VPS33A: variants seen among roughly 807,000 people sequenced by gnomAD.
The protein encoded by VPS33A is VPS33A core subunit of CORVET and HOPS complexes.
Under a neutral mutation model 71.8 loss-of-function variants are expected in VPS33A, and 32 were observed. The observed-to-expected ratio is 0.45, with a 90% CI of 0.34 to 0.60. The LOEUF is 0.60. Ranked by LOEUF, VPS33A falls within the 20% of genes least tolerant of loss-of-function variation. The probability of loss-of-function intolerance (pLI) is 0.02; values close to 1 mark genes in which losing one functional copy is unlikely to be tolerated. For missense variants in VPS33A, 625 were observed against 748.5 expected (o/e 0.84, Z 1.92); for synonymous variants, 311 against 292.7 (o/e 1.06, Z -0.64).
At chr12:122,263,239 C>T (rs1283660056) in intron 3 of VPS33A, among the ~76,000 whole-genome samples, 1 of 152,058 alleles carries the variant, frequency 6.6e-6, no homozygotes, top group East Asian at 1.9e-4. Context: ...GTGATCCACC[C>T]GCCTTGGCCT....
chr12:122,232,973 G>C lies in VPS33A; in HGVS notation c.1441-5C>G. 2 of 1,585,196 alleles carry C rather than the reference G, an allele frequency of 1.3e-6. No homozygotes were observed. The highest frequency in any genetic ancestry group is 1.7e-6 in the Non-Finnish European group (2 of 1,162,662). On this transcript the variant is annotated splice_polypyrimidine_tract_variant and splice_region_variant and intron_variant, in intron 11 of 12. Coordinates refer to ENST00000267199, the MANE Select transcript of VPS33A (RefSeq NM_022916.6). ...ATACGATATGTCCGTGGGGTTCTGTGAGATAATTAAAGAACAAAAACCCTA... is the reference window on the plus strand; with the variant it reads ...ATACGATATGTCCGTGGGGTTCTGTCAGATAATTAAAGAACAAAAACCCTA...
Position 122,264,146 on chromosome 12 carries a change from A to G in VPS33A, c.156T>C (p.Tyr52=). 6.4e-7 allele frequency: 1 copy of G among 1,561,892 alleles called. No individual in the cohort carries two copies. The highest frequency in any genetic ancestry group is 8.7e-7 in the Non-Finnish European group (1 of 1,144,882). The change falls in exon 2 of 13, where the codon TAT becomes TAC. Residue 52 remains tyrosine, a synonymous_variant. Transcript: ENST00000267199. ...LTGPFGLIAQ[Y]SLLKEHEVEK... ...ATAGCTCATTTACCTTCAATAGTGA[A>G]TACTGTGCAATCAGGCCAAAGGGTC...
chr12:122,244,781 G>C lies in VPS33A; in HGVS notation c.776-19C>G. 1 of 1,598,582 alleles carries C rather than the reference G, an allele frequency of 6.3e-7. No homozygotes were observed. The highest frequency in any genetic ancestry group is 8.6e-7 in the Non-Finnish European group (1 of 1,168,286). On this transcript the variant is annotated intron_variant, in intron 6 of 12. Transcript: ENST00000267199. ...ACATAACCTGAGCAGCAGTGGAAGG[G>C]AATAAGCACCTGTGTGCAATGACTG...
In VPS33A at chr12:122,266,470, C is replaced by T. The variant is rs1002701008; in HGVS notation, c.-62G>A. 1.1e-5 allele frequency: 18 copies of T among 1,571,734 alleles called. No individual in the cohort carries two copies. The highest frequency in any genetic ancestry group is 1.5e-5 in the Non-Finnish European group (17 of 1,152,778). On this transcript the variant is annotated 5_prime_UTR_variant, in exon 1 of 13. Transcript: ENST00000267199. ...AGTCCGCCGGTTCCTACGGGAGGAC[C>T]ACGGACGCAGTCACGTGACCAAACG...
At chr12:122,259,195 A>ATGTATGTATGTG (rs1954959462) in intron 4 of VPS33A, among the ~76,000 whole-genome samples, 1 of 116,870 alleles carries the variant, frequency 8.6e-6, no homozygotes, top group Non-Finnish European at 1.9e-5. Flanking sequence ...GTGTGTATGT[A>ATGTATGTATGTG]TGTATGTATG....
In VPS33A at chr12:122,238,636, C is replaced by G. The variant is rs555725133; in HGVS notation, c.1253G>C (p.Ser418Thr). Residue 418 changes from serine (S) to threonine (T), a missense_variant, in exon 10 of 13, where the codon AGT (serine) becomes ACT (threonine). Transcript: ENST00000267199. ...RLVCLQSVCNSGLKQKVLDYY... is the reference protein window; with the variant it reads ...RLVCLQSVCNTGLKQKVLDYY... ...ATCCAAAACTTTTTGTTTGAGCCCA[C>G]TATTACACACGGATTGGAGGCAAAC... is the stretch of plus-strand genomic sequence containing the variant. The G allele has an allele frequency of 6.2e-7, 1 of 1,613,832 alleles. No individual in the cohort carries two copies. Among genetic ancestry groups the G allele is most frequent in the Non-Finnish European group, 8.5e-7 (1 of 1,179,930 alleles).
At chr12:122,238,550 C>T in intron 10 of VPS33A, 37 bp downstream of exon 10, 3 of 1,589,292 alleles carry the variant, frequency 1.9e-6, no homozygotes, top group Non-Finnish European at 2.6e-6. Flanking sequence ...AAGATGCTGT[C>T]CCCCTTGGCA....
In VPS33A at chr12:122,238,696, G is replaced by GCGATAC. The variant is rs1459137603; in HGVS notation, c.1187_1192dup (p.Ile397_Ala398insGlyIle). 3.1e-6 allele frequency: 5 copies of GCGATAC among 1,613,504 alleles called. No individual in the cohort carries two copies. The highest frequency in any genetic ancestry group is 4.2e-6 in the Non-Finnish European group (5 of 1,179,944). On this transcript the variant is annotated inframe_insertion, in exon 10 of 13. Transcript: ENST00000267199. ...CACCTTGATCAACGAGTGCTTTTGG[G>GCGATAC]CGATACAATCCTCAATGTAATTGTT... is the stretch of plus-strand genomic sequence containing the variant.
chr12:122,266,152 C>T (rs1955067525), intron 1 of VPS33A, among the ~76,000 whole-genome samples, 155 bp downstream of exon 1: 2 of 152,198 alleles, frequency 1.3e-5, no homozygotes, highest in African/African-American at 4.8e-5. Context: ...TCATCGCTGC[C>T]TCCTGCACAG....
chr12:122,245,424 C>A (rs1954764373), intron 6 of VPS33A, among the ~76,000 whole-genome samples: 1 of 150,986 alleles, frequency 6.6e-6, no homozygotes. Context: ...GTCTGAGGAC[C>A]AAACTCTGTT....
chr12:122,256,445 G>A (rs905086307), intron 4 of VPS33A, among the ~76,000 whole-genome samples: 6 of 151,852 alleles, frequency 4.0e-5, no homozygotes, highest in Non-Finnish European at 5.9e-5. Flanking sequence ...GTGGTGGCGC[G>A]TTCCTGTAAT....
intron 6 of VPS33A, chr12:122,248,007 G>GT (rs551973480): frequency 6.6e-6 from 1 of 151,914 alleles, no homozygotes; most frequent in South Asian, 2.1e-4. Context: ...AGCGATTCTC[G>GT]TGCCTCAGCC....
chr12:122,250,012 C>A lies in VPS33A; in HGVS notation c.634G>T (p.Glu212Ter). 6.2e-7 allele frequency: 1 copy of A among 1,613,578 alleles called. No individual in the cohort carries two copies. Among genetic ancestry groups the A allele is most frequent in the Non-Finnish European group, 8.5e-7 (1 of 1,179,784 alleles). The change falls in exon 6 of 13, where the codon GAG becomes TAG. Residue 212 changes from glutamate to a stop codon, truncating the protein, a stop_gained. Transcript: ENST00000267199. LOFTEE classifies it high-confidence loss of function. The stretch of plus-strand genomic sequence containing the variant: ...ATTGAATTCTGGCTTCCTGTAAACT[C>A]TCTCTTCATCCTGATCATCATATTG... ...VANMMIRMKREFTGSQNSIFP... is the reference protein window; with the variant it reads ...VANMMIRMKR
At position 122,244,205 on chromosome 12, in the gene VPS33A, G is replaced by C. The variant is rs543926366; in HGVS notation, c.969+364C>G. Among the ~76,000 whole-genome samples the C allele has an allele frequency of 5.9e-5, 9 of 152,250 alleles. No individual in the cohort carries two copies. The South Asian group carries it at 1.9e-3, about 32-fold the overall frequency. On this transcript the variant is annotated intron_variant, in intron 7 of 12. Transcript: ENST00000267199. Reference sequence around the variant, plus strand: ...CACACTGGCTAAACTTGAGTTTTCAGCATGAACCACAAGTTCTATTATAGA... The same window carrying C: ...CACACTGGCTAAACTTGAGTTTTCACCATGAACCACAAGTTCTATTATAGA...
chr12:122,241,593 C>T (rs900370117), intron 8 of VPS33A, among the ~76,000 whole-genome samples: 2 of 150,740 alleles, frequency 1.3e-5, no homozygotes, highest in Non-Finnish European at 3.0e-5. Context: ...ACATGAGCCA[C>T]CTCGCCCAGT....
intron 7 of VPS33A, 100 bp downstream of exon 7, chr12:122,244,469 T>C: frequency 9.5e-7 from 1 of 1,053,176 alleles, no homozygotes. Flanking sequence ...CATTGAAGCC[T>C]GGTTTAATGG....
intron 1 of VPS33A, 93 bp downstream of exon 1, chr12:122,266,214 C>G: frequency 6.5e-7 from 1 of 1,535,982 alleles, no homozygotes; most frequent in Non-Finnish European, 8.8e-7. Context: ...CCCCAAGGAC[C>G]TCATAAACCG....
At chr12:122,265,168 C>T (rs1296532587) in intron 1 of VPS33A, among the ~76,000 whole-genome samples, 1 of 151,970 alleles carries the variant, frequency 6.6e-6, no homozygotes, top group Non-Finnish European at 1.5e-5. Flanking sequence ...AGCTGCCTGC[C>T]GTGGCCTCCC....
Position 122,232,927 on chromosome 12 carries a change from C to A in VPS33A, c.1482G>T (p.Pro494=). Residue 494 remains proline (P), a synonymous_variant, in exon 12 of 13, where the codon CCG becomes CCT. Transcript: ENST00000267199. ...GCAGCTGGGCCAGCCGCACACTGAG[C>A]GGGGCATACCCACTGTACACATACG... is the stretch of plus-strand genomic sequence containing the variant. The part of the protein sequence containing the change: ...DISYVYSGYA[P]LSVRLAQLLS... 6.2e-7 allele frequency: 1 copy of A among 1,613,836 alleles called. No individual in the cohort carries two copies. The highest frequency in any genetic ancestry group is 8.5e-7 in the Non-Finnish European group (1 of 1,179,970).
Sources: allele counts gnomAD v4.1 joint callset (sites outside exome capture counted in the v4.1 genomes callset), GRCh38; gene constraint gnomAD v4.1.1; transcripts MANE v1.5; gene names NCBI Gene and HGNC (gene_info 2026-07-23, HGNC 2026-07-21).